Variants in BTG1 observed in about 807,000 individuals in gnomAD.
BTG1 encodes the protein protein BTG1.
Under a neutral mutation model 15.2 loss-of-function variants are expected in BTG1, and 2 were observed. The observed-to-expected ratio is 0.13, with a 90% CI of 0.05 to 0.41. The LOEUF (loss-of-function observed/expected upper bound fraction) is 0.41, where lower values mean the gene tolerates loss of function less well. BTG1 is among the 10% of genes least tolerant of loss of function. The probability of loss-of-function intolerance (pLI) is 0.99; values close to 1 mark genes in which losing one functional copy is unlikely to be tolerated. For missense variants in BTG1, 149 were observed against 215.0 expected, an observed-to-expected ratio of 0.69 and a Z score of 1.92; for synonymous variants, 109 against 82.4, an observed-to-expected ratio of 1.32 and a Z score of -1.75.
chr12:92,143,884 T>G lies in BTG1; in HGVS notation c.*196A>C, dbSNP rs1362096831. On this transcript the variant is annotated 3_prime_UTR_variant, in exon 2 of 2. Transcript: ENST00000256015. ...TACTTGGACTCACAGGCTATTAAAA[T>G]TAATCATTGAAAGGTACTGTCCAAA... is the stretch of plus-strand genomic sequence containing the variant. 6.9e-6 allele frequency: 4 copies of G among 578,188 alleles called. No individual in the cohort carries two copies. The East Asian group carries it at 1.3e-4, about 19-fold the overall frequency. The allele number at this position is 578,188 out of a possible 1,614,324, so 35.8% of individuals were successfully genotyped here.
chr12:92,144,133 A>G lies in BTG1; in HGVS notation c.463T>C (p.Leu155=), dbSNP rs564738490. The change falls in exon 2 of 2, where the codon TTG becomes CTG. Residue 155 remains leucine (L), a synonymous_variant. Transcript: ENST00000256015. ...TTTTTGGAAGGGCTCGTTCTGCCCAAGAGAAGTTCCTCCTTACAGCTGATT... is the reference window on the plus strand; with the variant it reads ...TTTTTGGAAGGGCTCGTTCTGCCCAGGAGAAGTTCCTCCTTACAGCTGATT... ...SRISCKEELL[L]GRTSPSKNYN... 6.2e-7 allele frequency: 1 copy of G among 1,613,820 alleles called. No individual in the cohort carries two copies. The highest frequency in any genetic ancestry group is 2.2e-5 in the East Asian group (1 of 44,886).
rs780937115 is a variant in BTG1, at chr12:92,145,564, C to T, written c.-29G>A. On this transcript the variant is annotated 5_prime_UTR_variant, in exon 1 of 2. Transcript: ENST00000256015. ...GGCGGCGTGCGGGGGCGGCCCGGGG[C>T]GGCTGGGGCTCGGCGGCGCGGCCCC... is the stretch of plus-strand genomic sequence containing the variant. 28 of 1,371,858 alleles carry T rather than the reference C, an allele frequency of 2.0e-5. No individual in the cohort carries two copies. The African/African-American group carries it at 3.4e-4, about 17-fold the overall frequency. 85.0% of individuals were successfully genotyped at this position (1,371,858 alleles called of 1,614,324 possible). A position where few individuals can be genotyped will look rare whatever the true frequency, so the allele number is the denominator to read the frequency against.
Position 92,143,135 on chromosome 12 carries a change from A to G in BTG1, c.*945T>C, listed in dbSNP as rs904729118. The G allele has an allele frequency of 1.2e-4, 27 of 232,748 alleles. No homozygotes were observed. Among genetic ancestry groups the G allele is most frequent in the Non-Finnish European group, 8.5e-5 (10 of 117,680 alleles). 14.4% of individuals were successfully genotyped at this position (232,748 alleles called of 1,614,324 possible). A position where few individuals can be genotyped will look rare whatever the true frequency, so the allele number is the denominator to read the frequency against. ...ATGACAAGAGATTGATTAAAATGCC[A>G]AGATAAGAAACGATTTATTATAGAG... On this transcript the variant is annotated 3_prime_UTR_variant, in exon 2 of 2. Coordinates refer to ENST00000256015, the MANE Select transcript of BTG1 (RefSeq NM_001731.3).
At chr12:92,144,728 T>G (rs1231972348) in intron 1 of BTG1, among the ~76,000 whole-genome samples, 1 of 152,194 alleles carries the variant, frequency 6.6e-6, no homozygotes, top group Non-Finnish European at 1.5e-5. Flanking sequence ...GGGAAGCCAC[T>G]GGCACCTATG....
chr12:92,144,887 T>G (rs1870482792), intron 1 of BTG1, among the ~76,000 whole-genome samples: 1 of 152,318 alleles, frequency 6.6e-6, no homozygotes, highest in African/African-American at 2.4e-5. Context: ...GCAGGGCTGT[T>G]AATTGTGCCG....
chr12:92,143,578 T>C lies in BTG1; in HGVS notation c.*502A>G. 4.2e-6 allele frequency: 1 copy of C among 236,650 alleles called. No homozygotes were observed. Among genetic ancestry groups the C allele is most frequent in the Non-Finnish European group, 8.3e-6 (1 of 119,934 alleles). The allele number at this position is 236,650 out of a possible 1,614,324, so 14.7% of individuals were successfully genotyped here. ...CAGGTCATGCTTACTAGTTTGTCTT[T>C]ATGTACATTTATACATATTTAAGTG... On this transcript the variant is annotated 3_prime_UTR_variant, in exon 2 of 2. Transcript: ENST00000256015.
intron 1 of BTG1, chr12:92,145,075 C>T (rs777133135): frequency 4.4e-6 from 1 of 225,646 alleles, no homozygotes; most frequent in Non-Finnish European, 8.6e-6. Context: ...CCCCACGGCT[C>T]CTTTGTCCCC....
In BTG1 at chr12:92,143,573, G is replaced by A. The variant is rs1870388427; in HGVS notation, c.*507C>T. Reference sequence around the variant, plus strand: ...TTCCCCAGGTCATGCTTACTAGTTTGTCTTTATGTACATTTATACATATTT... The same window carrying A: ...TTCCCCAGGTCATGCTTACTAGTTTATCTTTATGTACATTTATACATATTT... On this transcript the variant is annotated 3_prime_UTR_variant, in exon 2 of 2. Transcript: ENST00000256015. 4.2e-6 allele frequency: 1 copy of A among 236,148 alleles called. No homozygotes were observed. The highest frequency in any genetic ancestry group is 2.2e-5 in the African/African-American group (1 of 45,330). 14.6% of individuals were successfully genotyped at this position (236,148 alleles called of 1,614,324 possible). A position where few individuals can be genotyped will look rare whatever the true frequency, so the allele number is the denominator to read the frequency against.
chr12:92,143,327 A>G lies in BTG1; in HGVS notation c.*753T>C, dbSNP rs1241960495. The G allele has an allele frequency of 8.6e-6, 2 of 233,144 alleles. No individual in the cohort carries two copies. Among genetic ancestry groups the G allele is most frequent in the East Asian group, 1.2e-4 (2 of 16,442 alleles). 14.4% of individuals were successfully genotyped at this position (233,144 alleles called of 1,614,324 possible). A position where few individuals can be genotyped will look rare whatever the true frequency, so the allele number is the denominator to read the frequency against. ...TGTGGAAAAGACTTTTACCCAATTA[A>G]GTACAAGGAAAGTTACAAACCAGAC... is the stretch of plus-strand genomic sequence containing the variant. On this transcript the variant is annotated 3_prime_UTR_variant, in exon 2 of 2. Coordinates refer to ENST00000256015, the MANE Select transcript of BTG1 (RefSeq NM_001731.3).
In BTG1 at chr12:92,144,027, G is replaced by A. The variant is rs573266885; in HGVS notation, c.*53C>T. On this transcript the variant is annotated 3_prime_UTR_variant, in exon 2 of 2. Transcript: ENST00000256015. ...CATCCCCAAGAGGAGCCCACCCAAA[G>A]CAAAAATCAAATTTATCCATCATCA... 1.2e-5 allele frequency: 19 copies of A among 1,594,990 alleles called. No individual in the cohort carries two copies. In the Admixed American group the frequency reaches 2.5e-4, roughly 21 times the overall value.
Position 92,142,824 on chromosome 12 carries a change from G to A in BTG1, c.*1256C>T, listed in dbSNP as rs1200802212. The A allele has an allele frequency of 4.3e-5, 10 of 232,912 alleles. No individual in the cohort carries two copies. In the East Asian group the frequency reaches 6.1e-4, roughly 14 times the overall value. 14.4% of individuals were successfully genotyped at this position (232,912 alleles called of 1,614,324 possible). A position where few individuals can be genotyped will look rare whatever the true frequency, so the allele number is the denominator to read the frequency against. ...ACATTTATATCTTCACTTCAACAGG[G>A]AAGCAATGAAATGTAATCCTTTGAG... On this transcript the variant is annotated 3_prime_UTR_variant, in exon 2 of 2. Coordinates refer to ENST00000256015, the MANE Select transcript of BTG1 (RefSeq NM_001731.3).
rs3825178 is a variant in BTG1, at chr12:92,143,416, G to C, written c.*664C>G. 790 of 233,412 alleles carry C rather than the reference G, an allele frequency of 3.4e-3. 12 individuals carry two copies. Among genetic ancestry groups the C allele is most frequent in the East Asian group, 0.029 (486 of 16,496 alleles). 14.5% of individuals were successfully genotyped at this position (233,412 alleles called of 1,614,324 possible). The stretch of plus-strand genomic sequence containing the variant: ...AAAACTACAAGCTAGCAAATGTACA[G>C]AGAGCTGGCTGGTGCTAACACCACA... On this transcript the variant is annotated 3_prime_UTR_variant, in exon 2 of 2. Coordinates refer to ENST00000256015, the MANE Select transcript of BTG1 (RefSeq NM_001731.3).
rs1261196576 is a variant in BTG1 at position 92,142,855 on chromosome 12, C to T, written c.*1225G>A. 1.3e-5 allele frequency: 3 copies of T among 233,058 alleles called. No homozygotes were observed. The highest frequency in any genetic ancestry group is 2.5e-5 in the Non-Finnish European group (3 of 117,968). The allele number at this position is 233,058 out of a possible 1,614,324, so 14.4% of individuals were successfully genotyped here. ...ATGAAATGTAATCCTTTGAGTATCACATTTTTGGTAGATGCTACCGTGGTC... is the reference window on the plus strand; with the variant it reads ...ATGAAATGTAATCCTTTGAGTATCATATTTTTGGTAGATGCTACCGTGGTC... On this transcript the variant is annotated 3_prime_UTR_variant, in exon 2 of 2. Coordinates refer to ENST00000256015, the MANE Select transcript of BTG1 (RefSeq NM_001731.3).
Position 92,145,252 on chromosome 12 carries a change from C to T in BTG1, c.148+136G>A, listed in dbSNP as rs898889859. On this transcript the variant is annotated intron_variant, in intron 1 of 1. Coordinates refer to ENST00000256015, the MANE Select transcript of BTG1 (RefSeq NM_001731.3). The stretch of plus-strand genomic sequence containing the variant: ...AACCGCTGTTAGCGGCCACCCAGCG[C>T]AACCACACCGGTCCCGCGGCGGGGC... 31 of 1,277,608 alleles carry T rather than the reference C, an allele frequency of 2.4e-5. No individual in the cohort carries two copies. The African/African-American group carries it at 4.2e-4, about 17-fold the overall frequency. The allele number at this position is 1,277,608 out of a possible 1,614,324, so 79.1% of individuals were successfully genotyped here.
Position 92,143,114 on chromosome 12 carries a change from CAA to C in BTG1, c.*964_*965del, listed in dbSNP as rs1870360126. On this transcript the variant is annotated 3_prime_UTR_variant, in exon 2 of 2. Transcript: ENST00000256015. ...TTTAGCTAAACCTCTATAATCATGA[CAA>C]GAGATTGATTAAAATGCCAAGATAA... The C allele has an allele frequency of 4.3e-6, 1 of 232,492 alleles. No homozygotes were observed. Among genetic ancestry groups the C allele is most frequent in the South Asian group, 1.8e-4 (1 of 5,518 alleles). The allele number at this position is 232,492 out of a possible 1,614,324, so 14.4% of individuals were successfully genotyped here.
In BTG1 at chr12:92,141,557, T is replaced by C. The variant is rs28399549; in HGVS notation, c.*2523A>G. On this transcript the variant is annotated 3_prime_UTR_variant, in exon 2 of 2. Coordinates refer to ENST00000256015, the MANE Select transcript of BTG1 (RefSeq NM_001731.3). ...CCAAAGGCAACAATAATTTTGAAAG[T>C]AGTCATCCTATCTTAAAAGGATTTA... 4,853 of 231,350 alleles carry C rather than the reference T, an allele frequency of 0.021. 87 individuals are homozygous for C. Among genetic ancestry groups the C allele is most frequent in the African/African-American group, 0.048 (2,176 of 45,378 alleles). 14.3% of individuals were successfully genotyped at this position (231,350 alleles called of 1,614,324 possible). A position where few individuals can be genotyped will look rare whatever the true frequency, so the allele number is the denominator to read the frequency against.
At chr12:92,145,347 A>G (rs758675533) in intron 1 of BTG1, 41 bp downstream of exon 1, 1 of 1,495,056 alleles carries the variant, frequency 6.7e-7, no homozygotes. Flanking sequence ...TGACCCAGGG[A>G]TGTGGGGCCC....
In BTG1 at chr12:92,142,260, C is replaced by A; in HGVS notation, c.*1820G>T. 1 of 231,116 alleles carries A rather than the reference C, an allele frequency of 4.3e-6. No individual in the cohort carries two copies. Among genetic ancestry groups the A allele is most frequent in the Non-Finnish European group, 8.6e-6 (1 of 116,808 alleles). 14.3% of individuals were successfully genotyped at this position (231,116 alleles called of 1,614,324 possible). A position where few individuals can be genotyped will look rare whatever the true frequency, so the allele number is the denominator to read the frequency against. ...TTATTCCTGGGTGTAGAAATAACTT[C>A]TTAAAAGTTATTTGAGATTACTAAT... On this transcript the variant is annotated 3_prime_UTR_variant, in exon 2 of 2. Coordinates refer to ENST00000256015, the MANE Select transcript of BTG1 (RefSeq NM_001731.3).
chr12:92,141,417 G>A lies in BTG1; in HGVS notation c.*2663C>T, dbSNP rs1435999308. On this transcript the variant is annotated 3_prime_UTR_variant, in exon 2 of 2. Coordinates refer to ENST00000256015, the MANE Select transcript of BTG1 (RefSeq NM_001731.3). ...CTTGAAGCCTTGTTTCAACATTACAGAGGGAGGCACTACTTAAATTTGGAA... is the reference window on the plus strand; with the variant it reads ...CTTGAAGCCTTGTTTCAACATTACAAAGGGAGGCACTACTTAAATTTGGAA... The A allele has an allele frequency of 1.7e-5, 4 of 231,978 alleles. No individual in the cohort carries two copies. The highest frequency in any genetic ancestry group is 6.6e-5 in the African/African-American group (3 of 45,266). The allele number at this position is 231,978 out of a possible 1,614,324, so 14.4% of individuals were successfully genotyped here. A position where few individuals can be genotyped will look rare whatever the true frequency, so the allele number is the denominator to read the frequency against.
Sources: allele counts gnomAD v4.1 joint callset (sites outside exome capture counted in the v4.1 genomes callset), GRCh38; gene constraint gnomAD v4.1.1; transcripts MANE v1.5; gene names NCBI Gene and HGNC (gene_info 2026-07-23, HGNC 2026-07-21).